CCDC171: variants seen among roughly 807,000 people sequenced by gnomAD.
CCDC171 encodes the protein coiled-coil domain containing 171, also known as coiled-coil domain-containing protein 171.
Under a neutral mutation model 168.2 loss-of-function variants are expected in CCDC171, and 177 were observed. The ratio of observed to expected loss-of-function variants is 1.05; its 90% confidence interval spans 0.93 to 1.19. CCDC171 has a LOEUF of 1.19. CCDC171 is among the 50% of genes most tolerant of loss of function. CCDC171 has a pLI of 0.00. For missense variants in CCDC171, 1,991 were observed against 1,539.0 expected, an observed-to-expected ratio of 1.29 and a Z score of -4.91; for synonymous variants, 687 against 540.8, an observed-to-expected ratio of 1.27 and a Z score of -3.75.
intron 3 of CCDC171, among the ~76,000 whole-genome samples, chr9:15,992,668 A>T (rs1302116132): frequency 6.6e-6 from 1 of 152,222 alleles, no homozygotes; most frequent in Non-Finnish European, 1.5e-5. Flanking sequence ...TTGTTTGCAG[A>T]TGACATGATT....
the CCDC171 span, among the ~76,000 whole-genome samples, chr9:16,095,268 G>A: frequency 1.3e-5 from 2 of 152,146 alleles, no homozygotes; most frequent in African/African-American, 2.4e-5. Flanking sequence ...GGACACAATC[G>A]CCTTCGGTGA....
Position 15,770,682 on chromosome 9 carries a change from C to A in CCDC171, c.2672-6918C>A, listed in dbSNP as rs181540657. ...CATTGTCCAACACAATTCCCTTATACATATGAGCTATTCTATAGCTAGCTG... is the reference window on the plus strand; with the variant it reads ...CATTGTCCAACACAATTCCCTTATAAATATGAGCTATTCTATAGCTAGCTG... On this transcript the variant is annotated intron_variant, in intron 18 of 25. Coordinates refer to ENST00000380701, the MANE Select transcript of CCDC171 (RefSeq NM_173550.4). Among the ~76,000 whole-genome samples the A allele has an allele frequency of 3.9e-5, 6 of 152,290 alleles. No individual in the cohort carries two copies. In the East Asian group the frequency reaches 9.6e-4, roughly 24 times the overall value.
intron 9 of CCDC171, among the ~76,000 whole-genome samples, chr9:15,675,343 C>G (rs2049462855): frequency 6.6e-6 from 1 of 151,944 alleles, no homozygotes. Context: ...CAGTCTGTGT[C>G]TTTTACTTGG....
At chr9:15,796,422 G>A (rs1337769574) in intron 21 of CCDC171, among the ~76,000 whole-genome samples, 1 of 152,022 alleles carries the variant, frequency 6.6e-6, no homozygotes, top group Non-Finnish European at 1.5e-5. Context: ...ACAGAATAAC[G>A]AAGACAAAAG....
chr9:15,564,225 A>G, intron 2 of CCDC171, 96 bp downstream of exon 2: 1 of 861,756 alleles, frequency 1.2e-6, no homozygotes, highest in Non-Finnish European at 1.9e-6. Context: ...AAGAATTCTC[A>G]TGGGATGGTA....
chr9:15,844,533 A>C (rs2060816212), intron 21 of CCDC171, among the ~76,000 whole-genome samples: 1 of 152,082 alleles, frequency 6.6e-6, no homozygotes, highest in Admixed American at 6.6e-5. Flanking sequence ...TTTTCAAATG[A>C]GAATTCTATG....
intron 7 of CCDC171, among the ~76,000 whole-genome samples, chr9:15,643,303 TA>T (rs983756670): frequency 7.9e-5 from 12 of 152,136 alleles, no homozygotes; most frequent in African/African-American, 2.9e-4. Flanking sequence ...GCAAGAACCT[TA>T]TCCTTTATAC....
intron 6 of CCDC171, among the ~76,000 whole-genome samples, chr9:15,594,754 C>G (rs1297684507): frequency 6.6e-6 from 1 of 152,076 alleles, no homozygotes; most frequent in Non-Finnish European, 1.5e-5. Context: ...TCTCTGAATT[C>G]TCACTCCAGT....
intron 7 of CCDC171, among the ~76,000 whole-genome samples, chr9:15,636,112 C>A (rs1459125161): frequency 4.6e-5 from 7 of 152,150 alleles, no homozygotes; most frequent in Non-Finnish European, 8.8e-5. Context: ...TATTTAGACC[C>A]TTAGACCCTT....
At chr9:15,935,893 G>C (rs953223191) in intron 25 of CCDC171, among the ~76,000 whole-genome samples, 1 of 152,072 alleles carries the variant, frequency 6.6e-6, no homozygotes. Context: ...AATGTAATCA[G>C]ACTCCAGTGA....
chr9:15,836,618 T>A (rs569399985), intron 21 of CCDC171, among the ~76,000 whole-genome samples: 47 of 152,318 alleles, frequency 3.1e-4, no homozygotes, highest in African/African-American at 1.1e-3. Context: ...CCCAAAGTCC[T>A]GGGATTACAG....
chr9:16,000,324 T>G (rs1057439673), intron 3 of CCDC171, among the ~76,000 whole-genome samples: 3 of 152,290 alleles, frequency 2.0e-5, no homozygotes, highest in Admixed American at 6.5e-5. Context: ...GGATTGACTT[T>G]TTTTGCTTGC....
chr9:15,781,904 C>T (rs1392075713), intron 20 of CCDC171, among the ~76,000 whole-genome samples: 1 of 151,996 alleles, frequency 6.6e-6, no homozygotes, highest in Non-Finnish European at 1.5e-5. Flanking sequence ...GCTTTTGGAG[C>T]AGATAGAAAC....
At chr9:16,070,390 T>A in the CCDC171 span, among the ~76,000 whole-genome samples, 2 of 152,204 alleles carry the variant, frequency 1.3e-5, no homozygotes, top group Admixed American at 1.3e-4. Flanking sequence ...AGGAATCATA[T>A]GATGTGTGTG....
chr9:15,723,326 C>G (rs1159279890), intron 12 of CCDC171, among the ~76,000 whole-genome samples: 1 of 152,066 alleles, frequency 6.6e-6, no homozygotes, highest in East Asian at 1.9e-4. Flanking sequence ...CTTATAGATG[C>G]CCCTGCTTCT....
At chr9:15,828,419 A>G (rs937999017) in intron 21 of CCDC171, among the ~76,000 whole-genome samples, 1 of 151,858 alleles carries the variant, frequency 6.6e-6, no homozygotes, top group African/African-American at 2.4e-5. Context: ...CATACATATT[A>G]GGTGTTTAGT....
chr9:15,747,971 T>C (rs2055422950), intron 18 of CCDC171, among the ~76,000 whole-genome samples: 1 of 152,030 alleles, frequency 6.6e-6, no homozygotes, highest in African/African-American at 2.4e-5. Flanking sequence ...GAGCATGTTC[T>C]AACCCACTGC....
intron 9 of CCDC171, among the ~76,000 whole-genome samples, chr9:15,671,528 G>A (rs538121574): frequency 2.2e-5 from 3 of 138,680 alleles, no homozygotes; most frequent in Non-Finnish European, 4.6e-5. Flanking sequence ...CCCCTGCCAG[G>A]CCCCAGTGTG....
intron 24 of CCDC171, chr9:15,888,981 A>G (rs943646323): frequency 1.1e-5 from 1 of 93,450 alleles, no homozygotes; most frequent in Non-Finnish European, 2.0e-5. Flanking sequence ...TTTTTGAGAC[A>G]GGGTCTTACT....
Sources: gnomAD v4.1 joint callset for allele counts (sites outside exome capture counted in the v4.1 genomes callset) on GRCh38, gnomAD v4.1.1 for gene constraint, MANE v1.5 for transcripts, NCBI Gene and HGNC (gene_info 2026-07-23, HGNC 2026-07-21) for gene names.